The following PCDHA1 variants were observed in gnomAD, a reference collection of about 807,000 sequenced individuals.
PCDHA1 encodes protocadherin alpha-1.
PCDHA1 carries 42 observed loss-of-function variants against 61.3 expected under a neutral mutation model. The ratio of observed to expected loss-of-function variants is 0.69; its 90% confidence interval spans 0.54 to 0.89. PCDHA1 has a LOEUF of 0.89. Among genes scored for constraint, PCDHA1 ranks in the 40% least tolerant of loss-of-function variants. The pLI, the probability that PCDHA1 is intolerant of heterozygous loss-of-function variation, is 0.00. For missense variants in PCDHA1, 1,256 were observed against 1,235.3 expected, an observed-to-expected ratio of 1.02 and a Z score of -0.25; for synonymous variants, 610 against 553.8, an observed-to-expected ratio of 1.10 and a Z score of -1.43.
chr5:140,969,311 G>A (rs2096317598), intron 1 of PCDHA1: 2 of 1,614,050 alleles, frequency 1.2e-6, no homozygotes, highest in Non-Finnish European at 1.7e-6. Context: ...TCTCAAAAAT[G>A]AGGCTGTTTC....
At chr5:140,883,987 G>C (rs782597930) in intron 1 of PCDHA1, 4 of 1,612,956 alleles carry the variant, frequency 2.5e-6, no homozygotes, top group Admixed American at 1.7e-5. Context: ...CTGGCAGCGC[G>C]GGAGGCACAG....
At chr5:140,892,588 T>C (rs751167275) in intron 1 of PCDHA1, among the ~76,000 whole-genome samples, 12 of 152,204 alleles carry the variant, frequency 7.9e-5, no homozygotes, top group Non-Finnish European at 1.8e-4. Flanking sequence ...TCAGTATTCA[T>C]TCACCTATTT....
rs201572428 is a variant in PCDHA1, at chr5:140,982,529, T to A, written c.2508T>A (p.Asp836Glu). 220 of 1,614,200 alleles carry A rather than the reference T, an allele frequency of 1.4e-4. No homozygotes were observed. Among genetic ancestry groups the A allele is most frequent in the Non-Finnish European group, 1.7e-4 (202 of 1,180,036 alleles). Reference sequence around the variant, plus strand: ...TACGGGCTGGTCCAGGAGGGCCTGATCAGCAGTGGCCAACAGTATCCAGTG... The same window carrying A: ...TACGGGCTGGTCCAGGAGGGCCTGAACAGCAGTGGCCAACAGTATCCAGTG... ...GILRAGPGGP[D>E]QQWPTVSSAT... Residue 836 changes from aspartate (D) to glutamate (E), a missense_variant, in exon 3 of 4, where the codon GAT becomes GAA. Transcript: ENST00000504120.
At chr5:140,990,471 A>G (rs892013539) in intron 3 of PCDHA1, among the ~76,000 whole-genome samples, 4 of 152,204 alleles carry the variant, frequency 2.6e-5, no homozygotes, top group Admixed American at 1.3e-4. Context: ...GGTATCATGT[A>G]TCAAGCTGAA....
intron 1 of PCDHA1, among the ~76,000 whole-genome samples, chr5:140,946,305 T>C (rs1484740423): frequency 6.6e-6 from 1 of 151,868 alleles, no homozygotes; most frequent in East Asian, 1.9e-4. Flanking sequence ...CCTGGTAGAA[T>C]GGCTATTATT....
chr5:140,816,784 A>T (rs1765989426), intron 1 of PCDHA1: 1 of 150,846 alleles, frequency 6.6e-6, no homozygotes, highest in African/African-American at 2.4e-5. Flanking sequence ...AATTAGAGGG[A>T]TCTGCCAGCT....
At chr5:140,808,535 G>C in intron 1 of PCDHA1, 4 of 1,614,180 alleles carry the variant, frequency 2.5e-6, no homozygotes, top group Non-Finnish European at 1.7e-6. Context: ...TGATGTGAAC[G>C]ACAACGCTCC....
intron 1 of PCDHA1, among the ~76,000 whole-genome samples, chr5:140,914,132 T>G (rs1554196213): frequency 6.6e-6 from 1 of 152,152 alleles, no homozygotes; most frequent in Non-Finnish European, 1.5e-5. Context: ...CTTTGTTGAG[T>G]TTTTGTCTGT....
intron 1 of PCDHA1, among the ~76,000 whole-genome samples, chr5:140,897,257 T>C (rs1554187284): frequency 6.6e-6 from 1 of 151,916 alleles, no homozygotes; most frequent in Non-Finnish European, 1.5e-5. Context: ...TATGTATACA[T>C]GTGCCATGCT....
At chr5:140,820,923 T>A (rs1330158665) in intron 1 of PCDHA1, among the ~76,000 whole-genome samples, 1 of 152,092 alleles carries the variant, frequency 6.6e-6, no homozygotes, top group Non-Finnish European at 1.5e-5. Context: ...TGCTTTTGAT[T>A]TCTAGAAAGC....
At chr5:140,841,883 G>T in intron 1 of PCDHA1, 1 of 1,613,836 alleles carries the variant, frequency 6.2e-7, no homozygotes, top group East Asian at 2.2e-5. Context: ...AAAGAACGAT[G>T]AGAATAAACT....
chr5:141,006,567 C>T (rs2098278386), intron 3 of PCDHA1, among the ~76,000 whole-genome samples: 1 of 152,030 alleles, frequency 6.6e-6, no homozygotes, highest in Admixed American at 6.6e-5. Flanking sequence ...ACTCTGGCTA[C>T]TGTGTGGAGG....
intron 1 of PCDHA1, chr5:140,843,068 C>T (rs1345239073): frequency 1.3e-6 from 2 of 1,595,216 alleles, no homozygotes; most frequent in East Asian, 2.2e-5. Context: ...GCTGGTGCCG[C>T]GGTCTGTGGG....
chr5:140,928,468 G>A, intron 1 of PCDHA1: 1 of 1,614,154 alleles, frequency 6.2e-7, no homozygotes. Flanking sequence ...TTTCCAAGTA[G>A]AAGGCCGGGA....
intron 1 of PCDHA1, chr5:140,877,218 G>T: frequency 1.2e-6 from 2 of 1,613,726 alleles, no homozygotes; most frequent in South Asian, 1.1e-5. Context: ...AGTTGGTACC[G>T]CGGTCGGTGG....
intron 1 of PCDHA1, among the ~76,000 whole-genome samples, chr5:140,892,669 C>T (rs1361630982): frequency 2.6e-5 from 4 of 152,134 alleles, no homozygotes; most frequent in African/African-American, 9.7e-5. Context: ...CATTTTGATA[C>T]ATATATACAA....
chr5:140,892,763 C>G (rs1365366300), intron 1 of PCDHA1, among the ~76,000 whole-genome samples: 12 of 152,298 alleles, frequency 7.9e-5, no homozygotes, highest in Middle Eastern at 3.4e-3. Context: ...TTAAAATCCA[C>G]TCTTCTAGCT....
At chr5:140,836,112 G>A in intron 1 of PCDHA1, 2 of 1,613,758 alleles carry the variant, frequency 1.2e-6, no homozygotes, top group South Asian at 2.2e-5. Context: ...TGGTGGCGCA[G>A]TGAGAGAGCT....
chr5:140,900,000 A>G (rs1374747791), intron 1 of PCDHA1, among the ~76,000 whole-genome samples: 1 of 151,872 alleles, frequency 6.6e-6, no homozygotes, highest in Non-Finnish European at 1.5e-5. Flanking sequence ...TGTAGAGATG[A>G]GGTCTCACTT....
Sources: gnomAD v4.1 joint callset for allele counts (sites outside exome capture counted in the v4.1 genomes callset) on GRCh38, gnomAD v4.1.1 for gene constraint, MANE v1.5 for transcripts, NCBI Gene and HGNC (gene_info 2026-07-23, HGNC 2026-07-21) for gene names.